Variants in TSHZ2 observed in about 807,000 individuals in gnomAD.
TSHZ2 encodes teashirt homolog 2.
In TSHZ2, 21 loss-of-function variants were observed where a neutral mutation model predicts 74.4. The observed-to-expected ratio is 0.28, with a 90% CI of 0.20 to 0.41. The LOEUF (loss-of-function observed/expected upper bound fraction) is 0.41, where lower values mean the gene tolerates loss of function less well. TSHZ2 is among the 10% of genes least tolerant of loss of function. TSHZ2 has a pLI of 1.00. For missense variants in TSHZ2, 1,244 were observed against 1,293.5 expected, an observed-to-expected ratio of 0.96 and a Z score of 0.59; for synonymous variants, 540 against 515.3, an observed-to-expected ratio of 1.05 and a Z score of -0.65.
intron 1 of TSHZ2, among the ~76,000 whole-genome samples, chr20:53,250,634 A>G (rs1423199002): frequency 6.6e-6 from 1 of 152,158 alleles, no homozygotes; most frequent in Non-Finnish European, 1.5e-5. Context: ...AAAACAGACA[A>G]AAAGGGTCTC....
chr20:53,141,764 T>C (rs914758617), intron 1 of TSHZ2, among the ~76,000 whole-genome samples: 11 of 152,246 alleles, frequency 7.2e-5, no homozygotes, highest in African/African-American at 2.7e-4. Flanking sequence ...CGCTGTGCCT[T>C]GCACTTATTC....
rs536617426 is a variant in TSHZ2, at chr20:53,036,668, T to C, written c.40+63335T>C. On this transcript the variant is annotated intron_variant, in intron 1 of 2. Transcript: ENST00000371497. ...CATTATATATTATATATGATATTTA[T>C]AATCTGTACATAATATGTGTATGTA... Among the ~76,000 whole-genome samples, 9 of 106,922 alleles carry C rather than the reference T, an allele frequency of 8.4e-5. No individual in the cohort carries two copies. In the East Asian group the frequency reaches 3.7e-3, roughly 44 times the overall value. 70.1% of individuals were successfully genotyped at this position (106,922 alleles called of 152,430 possible).
chr20:53,290,425 C>T (rs1375649148), intron 2 of TSHZ2, among the ~76,000 whole-genome samples: 1 of 151,726 alleles, frequency 6.6e-6, no homozygotes, highest in African/African-American at 2.4e-5. Flanking sequence ...TTTAATTGAG[C>T]AAACATTTAT....
intron 1 of TSHZ2, among the ~76,000 whole-genome samples, chr20:53,190,131 A>ATATATATATATATATATATC (rs1988701572): frequency 1.1e-5 from 1 of 87,026 alleles, no homozygotes; most frequent in Admixed American, 1.3e-4. Flanking sequence ...ATATATATAT[A>ATATATATATATATATATATC]TATATATTTT....
At chr20:53,145,930 G>A (rs1264484558) in intron 1 of TSHZ2, among the ~76,000 whole-genome samples, 3 of 152,156 alleles carry the variant, frequency 2.0e-5, no homozygotes, top group African/African-American at 7.2e-5. Flanking sequence ...ACTGCTGTCT[G>A]ATTTGAGAAA....
chr20:52,995,171 G>A (rs968893595), intron 1 of TSHZ2, among the ~76,000 whole-genome samples: 1 of 152,166 alleles, frequency 6.6e-6, no homozygotes, highest in Non-Finnish European at 1.5e-5. Flanking sequence ...CCTCAGCAGA[G>A]CTCCAGCTTC....
chr20:53,008,274 T>C (rs1960355101), intron 1 of TSHZ2, among the ~76,000 whole-genome samples: 1 of 152,144 alleles, frequency 6.6e-6, no homozygotes, highest in African/African-American at 2.4e-5. Context: ...AATTGGGTAA[T>C]TGGGGATTGG....
chr20:53,364,538 T>C (rs1199703092), intron 2 of TSHZ2, among the ~76,000 whole-genome samples: 18 of 152,190 alleles, frequency 1.2e-4, no homozygotes, highest in Non-Finnish European at 2.6e-4. Flanking sequence ...CCAGCCCCAC[T>C]TGTCCAGCCA....
intron 2 of TSHZ2, among the ~76,000 whole-genome samples, chr20:53,345,440 T>C (rs1185793593): frequency 1.3e-5 from 2 of 151,980 alleles, no homozygotes; most frequent in Non-Finnish European, 2.9e-5. Flanking sequence ...TCCCCCAGTG[T>C]AGACCGCCAT....
chr20:53,047,595 G>C (rs534984667), intron 1 of TSHZ2, among the ~76,000 whole-genome samples: 1 of 152,178 alleles, frequency 6.6e-6, no homozygotes, highest in East Asian at 1.9e-4. Flanking sequence ...TCTCTATTCT[G>C]AGTGGTCAAA....
At chr20:53,387,755 A>G (rs1225596748) in intron 2 of TSHZ2, among the ~76,000 whole-genome samples, 1 of 152,174 alleles carries the variant, frequency 6.6e-6, no homozygotes, top group African/African-American at 2.4e-5. Flanking sequence ...TGATAACTTA[A>G]AAGATAACTA....
intron 1 of TSHZ2, among the ~76,000 whole-genome samples, chr20:53,215,377 C>A (rs1333842334): frequency 6.6e-6 from 1 of 152,008 alleles, no homozygotes; most frequent in Non-Finnish European, 1.5e-5. Context: ...CACTGTCTAA[C>A]CATGCCACAG....
At chr20:52,996,065 G>A (rs533692823) in intron 1 of TSHZ2, among the ~76,000 whole-genome samples, 5 of 152,284 alleles carry the variant, frequency 3.3e-5, no homozygotes, top group Admixed American at 6.5e-5. Context: ...GTAGACAACA[G>A]TATGTTGAAG....
chr20:53,384,092 G>C (rs1568894081), intron 2 of TSHZ2, among the ~76,000 whole-genome samples: 1 of 152,166 alleles, frequency 6.6e-6, no homozygotes, highest in Non-Finnish European at 1.5e-5. Context: ...AAGGCCCCCA[G>C]AGACAAAAAT....
chr20:53,180,129 C>T (rs190773087), intron 1 of TSHZ2, among the ~76,000 whole-genome samples: 22 of 152,254 alleles, frequency 1.4e-4, no homozygotes, highest in Admixed American at 8.5e-4. Flanking sequence ...TCAGTAGCTT[C>T]AGAGATTCTG....
At chr20:53,066,258 G>A (rs923845075) in intron 1 of TSHZ2, among the ~76,000 whole-genome samples, 21 of 148,132 alleles carry the variant, frequency 1.4e-4, no homozygotes, top group African/African-American at 4.5e-4. Flanking sequence ...TCCGACCCCC[G>A]ACTCCACTCG....
chr20:53,385,040 GA>G, intron 2 of TSHZ2, among the ~76,000 whole-genome samples: 1 of 152,246 alleles, frequency 6.6e-6, no homozygotes, highest in South Asian at 2.1e-4. Context: ...AGAATGGCGT[GA>G]ACCCGGGAGG....
intron 1 of TSHZ2, among the ~76,000 whole-genome samples, chr20:53,224,159 C>A (rs1989629690): frequency 6.6e-6 from 1 of 152,112 alleles, no homozygotes; most frequent in Admixed American, 6.6e-5. Flanking sequence ...ACATCAAACC[C>A]AAAATGTTTT....
Position 52,972,933 on chromosome 20 carries a change from T to C in TSHZ2, c.-361T>C, listed in dbSNP as rs1449428024. Reference sequence around the variant, plus strand: ...GGATGTTTAATAAAGAAATCAAGTGTCTCAACAGTCACCAAAAAAAAAAAA... The same window carrying C: ...GGATGTTTAATAAAGAAATCAAGTGCCTCAACAGTCACCAAAAAAAAAAAA... On this transcript the variant is annotated 5_prime_UTR_variant, in exon 1 of 3. Transcript: ENST00000371497. 3 of 283,852 alleles carry C rather than the reference T, an allele frequency of 1.1e-5. No individual in the cohort carries two copies. The highest frequency in any genetic ancestry group is 1.8e-5 in the Non-Finnish European group (3 of 162,542). The allele number at this position is 283,852 out of a possible 1,614,324, so 17.6% of individuals were successfully genotyped here.
Sources: gnomAD v4.1 joint callset for allele counts (sites outside exome capture counted in the v4.1 genomes callset) on GRCh38, gnomAD v4.1.1 for gene constraint, MANE v1.5 for transcripts, NCBI Gene and HGNC (gene_info 2026-07-23, HGNC 2026-07-21) for gene names.